Variants in HDAC9 observed in about 807,000 individuals in gnomAD.
HDAC9 encodes the protein histone deacetylase 9.
Under a neutral mutation model 139.4 loss-of-function variants are expected in HDAC9, and 41 were observed. The observed-to-expected ratio is 0.29, with a 90% CI of 0.23 to 0.38. The LOEUF is 0.38. Ranked by LOEUF, HDAC9 falls within the 10% of genes least tolerant of loss-of-function variation. The pLI, the probability that HDAC9 is intolerant of heterozygous loss-of-function variation, is 1.00. For synonymous variants in HDAC9, 517 were observed against 476.2 expected (o/e 1.09, Z -1.12); for missense variants, 1,147 against 1,297.0 (o/e 0.88, Z 1.78).
At chr7:18,374,016 A>T (rs933605842) in intron 1 of HDAC9, among the ~76,000 whole-genome samples, 4 of 152,092 alleles carry the variant, frequency 2.6e-5, no homozygotes, top group African/African-American at 9.7e-5. Context: ...TATAAAAATT[A>T]TTGAAATCAC....
chr7:18,493,210 C>T (rs1365725498), upstream of HDAC9, among the ~76,000 whole-genome samples: 1 of 151,690 alleles, frequency 6.6e-6, no homozygotes, highest in Admixed American at 6.6e-5. Context: ...GTAATTTAAA[C>T]TTAAAAAGAC....
intron 2 of HDAC9, among the ~76,000 whole-genome samples, chr7:18,178,876 G>C (rs535810002): frequency 2.6e-5 from 4 of 152,246 alleles, no homozygotes; most frequent in South Asian, 4.2e-4. Flanking sequence ...TACATTTTCA[G>C]TTCCTCTTAT....
At chr7:18,991,649 A>G (rs1315900310) in intron 25 of HDAC9, among the ~76,000 whole-genome samples, 2 of 152,180 alleles carry the variant, frequency 1.3e-5, no homozygotes, top group African/African-American at 2.4e-5. Flanking sequence ...AAGAAAAAAA[A>G]AAAAAAGAAG....
intron 13 of HDAC9, among the ~76,000 whole-genome samples, chr7:18,729,866 TA>T (rs1159111209): frequency 6.6e-6 from 1 of 152,212 alleles, no homozygotes; most frequent in Non-Finnish European, 1.5e-5. Flanking sequence ...AGGCATTCAA[TA>T]AACATTTTAG....
chr7:18,612,317 A>G (rs183833948), intron 6 of HDAC9, among the ~76,000 whole-genome samples: 229 of 152,238 alleles, frequency 1.5e-3, no homozygotes, highest in Middle Eastern at 6.8e-3. Context: ...TGTGTTTGCC[A>G]CTACCACTAC....
chr7:18,221,207 G>A (rs926428461), intron 2 of HDAC9, among the ~76,000 whole-genome samples: 15 of 151,000 alleles, frequency 9.9e-5, no homozygotes, highest in Admixed American at 7.9e-4. Flanking sequence ...CCAGGTTCAA[G>A]CGATTCTCCT....
intron 2 of HDAC9, among the ~76,000 whole-genome samples, chr7:18,192,179 A>G (rs1790397072): frequency 6.6e-6 from 1 of 152,192 alleles, no homozygotes. Flanking sequence ...AGTGACGGTA[A>G]ATACTATTCT....
chr7:18,946,894 A>G (rs776983427), intron 23 of HDAC9, among the ~76,000 whole-genome samples: 7 of 152,034 alleles, frequency 4.6e-5, no homozygotes, highest in Non-Finnish European at 1.0e-4. Flanking sequence ...CATTTTTAAA[A>G]ATAGACCGTA....
chr7:18,691,073 T>A (rs946297465), intron 12 of HDAC9, among the ~76,000 whole-genome samples: 2 of 152,060 alleles, frequency 1.3e-5, no homozygotes, highest in African/African-American at 2.4e-5. Context: ...CTAATTTTAT[T>A]TGCTTTGCAG....
chr7:18,767,758 G>T (rs555202806), intron 16 of HDAC9, among the ~76,000 whole-genome samples: 8 of 152,244 alleles, frequency 5.3e-5, no homozygotes, highest in Non-Finnish European at 8.8e-5. Flanking sequence ...TAGATGATTA[G>T]AACATATCCT....
At chr7:18,125,771 A>AT (rs1448030020) in intron 1 of HDAC9, among the ~76,000 whole-genome samples, 1 of 152,208 alleles carries the variant, frequency 6.6e-6, no homozygotes, top group African/African-American at 2.4e-5. Flanking sequence ...GCCGTGTTCC[A>AT]TTAACACTTT....
intron 1 of HDAC9, among the ~76,000 whole-genome samples, chr7:18,450,040 A>G (rs181388388): frequency 2.0e-5 from 3 of 152,336 alleles, no homozygotes; most frequent in African/African-American, 7.2e-5. Context: ...TCAAAAGATC[A>G]TGCTACCTCT....
intron 11 of HDAC9, among the ~76,000 whole-genome samples, chr7:18,664,261 C>T (rs1369680071): frequency 6.6e-6 from 1 of 152,068 alleles, no homozygotes; most frequent in Non-Finnish European, 1.5e-5. Flanking sequence ...CTCCTTCTCC[C>T]GACTGCCCAG....
chr7:18,283,390 G>C (rs1797231334), intron 2 of HDAC9, among the ~76,000 whole-genome samples: 1 of 152,122 alleles, frequency 6.6e-6, no homozygotes, highest in Non-Finnish European at 1.5e-5. Flanking sequence ...AATATGTGAG[G>C]ATTACAATTT....
chr7:18,297,126 G>A (rs1476402228), intron 1 of HDAC9, among the ~76,000 whole-genome samples: 2 of 152,152 alleles, frequency 1.3e-5, no homozygotes, highest in African/African-American at 4.8e-5. Flanking sequence ...ACGAGTTGAA[G>A]CCACATGAAA....
At chr7:18,154,076 T>G (rs570337045) in intron 1 of HDAC9, among the ~76,000 whole-genome samples, 1 of 152,218 alleles carries the variant, frequency 6.6e-6, no homozygotes, top group Non-Finnish European at 1.5e-5. Context: ...TATAGAAAGA[T>G]CTATACAATA....
At chr7:18,901,957 C>T (rs1386366300) in intron 22 of HDAC9, among the ~76,000 whole-genome samples, 2 of 152,126 alleles carry the variant, frequency 1.3e-5, no homozygotes, top group Admixed American at 6.5e-5. Context: ...TTTTCTTCTA[C>T]CCTTTCAGGA....
intron 1 of HDAC9, among the ~76,000 whole-genome samples, chr7:18,441,310 TA>T (rs1300191084): frequency 6.6e-5 from 10 of 152,246 alleles, no homozygotes; most frequent in Non-Finnish European, 1.5e-4. Flanking sequence ...GCTTTTATTG[TA>T]ATATTTTACT....
At chr7:18,402,061 G>A (rs1318180397) in intron 1 of HDAC9, among the ~76,000 whole-genome samples, 1 of 152,036 alleles carries the variant, frequency 6.6e-6, no homozygotes, top group African/African-American at 2.4e-5. Flanking sequence ...AATGCCTTCA[G>A]TACCTTTTTG....
Sources: allele counts gnomAD v4.1 joint callset (sites outside exome capture counted in the v4.1 genomes callset), GRCh38; gene constraint gnomAD v4.1.1; transcripts MANE v1.5; gene names NCBI Gene and HGNC (gene_info 2026-07-23, HGNC 2026-07-21).